Variants in FOXK1 observed in about 807,000 individuals in gnomAD.
The protein encoded by FOXK1 is forkhead box K1, also known as forkhead box protein K1.
A neutral mutation model predicts 51.9 loss-of-function variants in FOXK1; 19 were observed. The ratio of observed to expected loss-of-function variants is 0.37; its 90% confidence interval spans 0.26 to 0.54. The LOEUF (loss-of-function observed/expected upper bound fraction) is 0.54, where lower values mean the gene tolerates loss of function less well. Among genes scored for constraint, FOXK1 ranks in the 20% least tolerant of loss-of-function variants. FOXK1 has a pLI of 0.87. For missense variants in FOXK1, 870 were observed against 1,032.7 expected, an observed-to-expected ratio of 0.84 and a Z score of 2.16; for synonymous variants, 537 against 482.6, an observed-to-expected ratio of 1.11 and a Z score of -1.48.
intron 5 of FOXK1, among the ~76,000 whole-genome samples, chr7:4,757,481 T>TTAAA (rs1343055308): frequency 6.6e-6 from 1 of 151,008 alleles, no homozygotes; most frequent in East Asian, 1.9e-4. Flanking sequence ...AAATTCAAAA[T>TTAAA]TAGTCGGGCA....
At chr7:4,728,742 AAAAAAAAAAGAAAG>A (rs1193470403) in intron 1 of FOXK1, among the ~76,000 whole-genome samples, 1 of 151,084 alleles carries the variant, frequency 6.6e-6, no homozygotes, top group Non-Finnish European at 1.5e-5. Flanking sequence ...AAAAAAAAAA[AAAAAAAAAAGAAAG>A]AAAAGAAAAC....
intron 1 of FOXK1, among the ~76,000 whole-genome samples, chr7:4,710,533 C>G (rs1780161415): frequency 6.6e-6 from 1 of 152,124 alleles, no homozygotes; most frequent in Non-Finnish European, 1.5e-5. Flanking sequence ...CTCAATCGCG[C>G]CACTGCACTC....
At position 4,764,555 on chromosome 7, in the gene FOXK1, TGA is replaced by T. The variant is rs1780983435; in HGVS notation, c.*2096_*2097del. 2 of 153,164 alleles carry T rather than the reference TGA, an allele frequency of 1.3e-5. No homozygotes were observed. Among genetic ancestry groups the T allele is most frequent in the African/African-American group, 2.4e-5 (1 of 41,414 alleles). The allele number at this position is 153,164 out of a possible 1,614,324, so 9.5% of individuals were successfully genotyped here. A position where few individuals can be genotyped will look rare whatever the true frequency, so the allele number is the denominator to read the frequency against. ...GTGCCTGGTGTGTGCGTGCATGGCGTGAGAGAACGGGGGGTGGGGGTTGGAGG... is the reference window on the plus strand; with the variant it reads ...GTGCCTGGTGTGTGCGTGCATGGCGTGAGAACGGGGGGTGGGGGTTGGAGG... On this transcript the variant is annotated 3_prime_UTR_variant, in exon 9 of 9. Transcript: ENST00000328914.
chr7:4,723,074 G>A lies in FOXK1; in HGVS notation c.561-17764G>A, dbSNP rs141662809. Among the ~76,000 whole-genome samples the A allele has an allele frequency of 1.7e-4, 26 of 152,086 alleles. No individual in the cohort carries two copies. The highest frequency in any genetic ancestry group is 2.9e-4 in the African/African-American group (12 of 41,476). ...AGCTTGTGATCCCGAACAAAAACCC[G>A]TCTTCCCAAGCCTGTTGACGATGAT... On this transcript the variant is annotated intron_variant, in intron 1 of 8. Coordinates refer to ENST00000328914, the MANE Select transcript of FOXK1 (RefSeq NM_001037165.2). This position sits in a 1 kb window ranked among gnomAD's most constrained non-coding sequence, Gnocchi z 4.7.
At chr7:4,701,295 G>C (rs183415084) in intron 1 of FOXK1, among the ~76,000 whole-genome samples, 44 of 152,340 alleles carry the variant, frequency 2.9e-4, no homozygotes, top group African/African-American at 1.1e-3. Flanking sequence ...CCTTGAATTA[G>C]TTTGAGTAAC....
chr7:4,726,967 C>T (rs549512064), intron 1 of FOXK1, among the ~76,000 whole-genome samples: 6 of 151,414 alleles, frequency 4.0e-5, no homozygotes, highest in African/African-American at 1.2e-4. Flanking sequence ...TTTTTACAAA[C>T]GGGGTCTTGC....
chr7:4,695,418 C>T (rs1327140132), intron 1 of FOXK1, among the ~76,000 whole-genome samples: 2 of 152,142 alleles, frequency 1.3e-5, no homozygotes, highest in African/African-American at 2.4e-5. Context: ...GATGCCATGG[C>T]GAGTCTAGAA....
intron 1 of FOXK1, among the ~76,000 whole-genome samples, chr7:4,738,457 A>T (rs1280693520): frequency 6.6e-6 from 1 of 152,094 alleles, no homozygotes; most frequent in African/African-American, 2.4e-5. Flanking sequence ...AAAAGAAAAA[A>T]GAAAATGGGT....
At chr7:4,706,781 G>C (rs1780107543) in intron 1 of FOXK1, among the ~76,000 whole-genome samples, 1 of 152,216 alleles carries the variant, frequency 6.6e-6, no homozygotes, top group African/African-American at 2.4e-5. Context: ...TCCTTTGTCA[G>C]TATCAGCCAG....
At chr7:4,744,037 C>T (rs990914457) in intron 2 of FOXK1, among the ~76,000 whole-genome samples, 4 of 151,922 alleles carry the variant, frequency 2.6e-5, no homozygotes, top group Non-Finnish European at 4.4e-5. Flanking sequence ...CCACCACGCC[C>T]GGCTAATTTT....
chr7:4,713,691 T>G (rs985071486), intron 1 of FOXK1, among the ~76,000 whole-genome samples: 1 of 151,796 alleles, frequency 6.6e-6, no homozygotes, highest in East Asian at 1.9e-4. Context: ...AGGGTTTCAC[T>G]GTGTTGGTCA....
chr7:4,721,896 T>G (rs1243508173), intron 1 of FOXK1, among the ~76,000 whole-genome samples: 1 of 152,260 alleles, frequency 6.6e-6, no homozygotes, highest in Non-Finnish European at 1.5e-5. Flanking sequence ...CGGCCTGTTT[T>G]CATTTTAATA....
At chr7:4,759,883 T>C in intron 7 of FOXK1, 1 of 492,596 alleles carries the variant, frequency 2.0e-6, no homozygotes, top group Non-Finnish European at 3.6e-6. Flanking sequence ...ATACAAAAAT[T>C]AGCCAGGCAT....
rs184160017 is a variant in FOXK1, at chr7:4,706,908, C to T, written c.560+24040C>T. 3.9e-3 allele frequency among the ~76,000 whole-genome samples: 587 copies of T among 152,346 alleles called. 15 individuals carry two copies. The highest frequency in any genetic ancestry group is 0.02 in the Middle Eastern group (6 of 294). On this transcript the variant is annotated intron_variant, in intron 1 of 8. Coordinates refer to ENST00000328914, the MANE Select transcript of FOXK1 (RefSeq NM_001037165.2). ...CTGTGCCTTCTCCCTCTCACCTCCCCCCGGGACTTCTGAGTTCCTTCTCCA... is the reference window on the plus strand; with the variant it reads ...CTGTGCCTTCTCCCTCTCACCTCCCTCCGGGACTTCTGAGTTCCTTCTCCA...
At chr7:4,751,644 G>A (rs74501789) in intron 2 of FOXK1, among the ~76,000 whole-genome samples, 1,842 of 152,340 alleles carry the variant, frequency 0.012, 35 homozygotes, top group African/African-American at 0.042. Context: ...GCCCGCCTGC[G>A]GAGGACAGTT....
Position 4,743,568 on chromosome 7 carries a change from G to A in FOXK1, c.746+2545G>A, listed in dbSNP as rs778526850. On this transcript the variant is annotated intron_variant, in intron 2 of 8. Coordinates refer to ENST00000328914, the MANE Select transcript of FOXK1 (RefSeq NM_001037165.2). The surrounding 1 kb of genome is among the most constrained non-coding windows in gnomAD (Gnocchi z 5.3). ...CCATTTCTCAGTAAATAAATAAATG[G>A]TGAATTTTATGTTATGGGAATTGCA... Among the ~76,000 whole-genome samples the A allele has an allele frequency of 1.3e-5, 2 of 152,180 alleles. No homozygotes were observed. Among genetic ancestry groups the A allele is most frequent in the African/African-American group, 4.8e-5 (2 of 41,442 alleles).
Position 4,728,404 on chromosome 7 carries a change from C to T in FOXK1, c.561-12434C>T, listed in dbSNP as rs1403611524. Among the ~76,000 whole-genome samples, 7 of 152,208 alleles carry T rather than the reference C, an allele frequency of 4.6e-5. No individual in the cohort carries two copies. The South Asian group carries it at 1.2e-3, about 27-fold the overall frequency. On this transcript the variant is annotated intron_variant, in intron 1 of 8. Coordinates refer to ENST00000328914, the MANE Select transcript of FOXK1 (RefSeq NM_001037165.2). Reference sequence around the variant, plus strand: ...CTGCTGTTGAGCATTAAGCTCATTCCACTTCACATGTAAACTTGTTTCTAT... The same window carrying T: ...CTGCTGTTGAGCATTAAGCTCATTCTACTTCACATGTAAACTTGTTTCTAT...
intron 1 of FOXK1, among the ~76,000 whole-genome samples, chr7:4,688,779 C>T (rs1779852862): frequency 6.6e-6 from 1 of 152,112 alleles, no homozygotes; most frequent in African/African-American, 2.4e-5. Context: ...GTGTCCCTCC[C>T]CCTTGTCATT....
Position 4,764,364 on chromosome 7 carries a change from T to C in FOXK1, c.*1900T>C, listed in dbSNP as rs776406435. On this transcript the variant is annotated 3_prime_UTR_variant, in exon 9 of 9. Coordinates refer to ENST00000328914, the MANE Select transcript of FOXK1 (RefSeq NM_001037165.2). ...AACCTTTCCATGGGAAATAAGCTCT[T>C]TGTGGAAGTCCGTACCTGTTGCCCT... The C allele has an allele frequency of 1.3e-5, 2 of 154,440 alleles. No individual in the cohort carries two copies. The highest frequency in any genetic ancestry group is 2.9e-5 in the Non-Finnish European group (2 of 68,254). The allele number at this position is 154,440 out of a possible 1,614,324, so 9.6% of individuals were successfully genotyped here.
Sources: allele counts gnomAD v4.1 joint callset (sites outside exome capture counted in the v4.1 genomes callset), GRCh38; gene constraint gnomAD v4.1.1; non-coding constraint Gnocchi (gnomAD v3.1); transcripts MANE v1.5; gene names NCBI Gene and HGNC (gene_info 2026-07-23, HGNC 2026-07-21).